The following RPL17 variants were observed in gnomAD, a reference collection of about 807,000 sequenced individuals.
RPL17 encodes ribosomal protein L17.
RPL17 carries 2 observed loss-of-function variants against 27.7 expected under a neutral mutation model. That is an observed-to-expected ratio of 0.07 (90% CI 0.03 to 0.23). RPL17 has a LOEUF of 0.23. Among genes scored for constraint, RPL17 ranks in the 10% least tolerant of loss-of-function variants. The probability of loss-of-function intolerance (pLI) is 1.00; values close to 1 mark genes in which losing one functional copy is unlikely to be tolerated. For missense variants in RPL17, 141 were observed against 238.8 expected, an observed-to-expected ratio of 0.59 and a Z score of 2.70; for synonymous variants, 76 against 75.5, an observed-to-expected ratio of 1.01 and a Z score of -0.03.
rs779507119 is a variant in RPL17, at chr18:49,491,545, C to G, written c.27G>C (p.Glu9Asp). ...CTGTCCACTTACATTTCGTGGGGTT[C>G]TCCGGGTCAAGTGAATAGCGAACCA... The part of the protein sequence containing the change: MVRYSLDP[E>D]NPTKSCKSRG... The change falls in exon 2 of 7, where the codon GAG becomes GAC. Residue 9 changes from glutamate to aspartate, a missense_variant. Physicochemically the swap from Glu to Asp is conservative, Grantham distance 45 (BLOSUM62 2). Coordinates refer to ENST00000580261, the MANE Select transcript of RPL17 (RefSeq NM_001035006.5). 1 of 1,614,184 alleles carries G rather than the reference C, an allele frequency of 6.2e-7. No homozygotes were observed. The highest frequency in any genetic ancestry group is 8.5e-7 in the Non-Finnish European group (1 of 1,180,042).
intron 1 of RPL17, chr18:49,491,819 C>A (rs900021085): frequency 1.4e-6 from 1 of 730,196 alleles, no homozygotes; most frequent in Non-Finnish European, 2.5e-6. Flanking sequence ...ACGGGCCTCA[C>A]CAATCCAGTC....
At chr18:49,488,873 G>C (rs924591578) in intron 6 of RPL17, among the ~76,000 whole-genome samples, 2 of 151,788 alleles carry the variant, frequency 1.3e-5, no homozygotes, top group African/African-American at 4.8e-5. Flanking sequence ...ATAATCATAC[G>C]GGCCTGAGGT....
rs542588284 is a variant in RPL17 at position 49,492,020 on chromosome 18, T to C, written c.-13-436A>G. On this transcript the variant is annotated intron_variant, in intron 1 of 6. Transcript: ENST00000580261. Reference sequence around the variant, plus strand: ...CGTCTCTCTCAACACCTTCGGGCTATGACCCACTTTAAGAGCCCTCCTGTA... The same window carrying C: ...CGTCTCTCTCAACACCTTCGGGCTACGACCCACTTTAAGAGCCCTCCTGTA... 2.0e-4 allele frequency: 69 copies of C among 342,648 alleles called. 1 individual carries two copies. The highest frequency in any genetic ancestry group is 1.6e-3 in the South Asian group (68 of 43,098). The allele number at this position is 342,648 out of a possible 1,614,324, so 21.2% of individuals were successfully genotyped here. A position where few individuals can be genotyped will look rare whatever the true frequency, so the allele number is the denominator to read the frequency against.
chr18:49,491,778 A>G (rs1389583660), intron 1 of RPL17, 194 bp from the exon 2 acceptor site: 2 of 788,824 alleles, frequency 2.5e-6, no homozygotes, highest in East Asian at 4.9e-5. Context: ...TCTTCCAGTA[A>G]CTACAGCACT....
chr18:49,490,683 T>C lies in RPL17; in HGVS notation c.216+110A>G. On this transcript the variant is annotated intron_variant, in intron 4 of 6. Coordinates refer to ENST00000580261, the MANE Select transcript of RPL17 (RefSeq NM_001035006.5). ...ACCATCAATCCAAGGTGTCCTGTCA[T>C]TACAGCAACCAGAAATAGGTTCATC... The C allele has an allele frequency of 4.4e-6, 7 of 1,589,730 alleles. No individual in the cohort carries two copies. The South Asian group carries it at 7.8e-5, about 18-fold the overall frequency.
Position 49,491,896 on chromosome 18 carries a change from G to C in RPL17, c.-13-312C>G, listed in dbSNP as rs1288235300. 1.5e-5 allele frequency: 7 copies of C among 466,810 alleles called. No homozygotes were observed. In the East Asian group the frequency reaches 1.9e-4, roughly 13 times the overall value. The allele number at this position is 466,810 out of a possible 1,614,324, so 28.9% of individuals were successfully genotyped here. ...GGATCTTCCAGGCGTAAAATGACTC[G>C]ACGCATCCGCAGGGCACAACTCAAC... On this transcript the variant is annotated intron_variant, in intron 1 of 6. Transcript: ENST00000580261.
chr18:49,490,999 A>C, intron 3 of RPL17, 72 bp from the exon 4 acceptor site: 2 of 1,590,408 alleles, frequency 1.3e-6, no homozygotes, highest in South Asian at 1.1e-5. Context: ...TTAAATTTTC[A>C]ATTTTCAGCT....
chr18:49,488,657 C>T, intron 6 of RPL17, 91 bp from the exon 7 acceptor site: 1 of 769,890 alleles, frequency 1.3e-6, no homozygotes, highest in Non-Finnish European at 2.3e-6. Flanking sequence ...GAAACCTAGT[C>T]GTTAAGGACT....
At position 49,489,449 on chromosome 18, in the gene RPL17, G is replaced by A. The variant is rs754386441; in HGVS notation, c.417C>T (p.Tyr139=). The A allele has an allele frequency of 1.5e-5, 24 of 1,608,166 alleles. No homozygotes were observed. Among genetic ancestry groups the A allele is most frequent in the Admixed American group, 8.3e-5 (5 of 60,006 alleles). The change falls in exon 6 of 7, where the codon TAC becomes TAT. Residue 139 remains tyrosine (Y), a synonymous_variant. Transcript: ENST00000580261. The stretch of plus-strand genomic sequence containing the variant: ...TCTCAATGTGGCAGGGAGAGCTCAT[G>A]TATGGGTTAATCCGACCATGAGCTC... The part of the protein sequence containing the change: ...TYRAHGRINP[Y]MSSPCHIEMI...
intron 5 of RPL17, chr18:49,490,142 T>C (rs778561622): frequency 3.3e-6 from 1 of 303,306 alleles, no homozygotes; most frequent in Non-Finnish European, 6.2e-6. Context: ...ACCAAAGGTG[T>C]ATGTCACAAA....
At position 49,490,840 on chromosome 18, in the gene RPL17, A is replaced by C. The variant is rs1465680092; in HGVS notation, c.169T>G (p.Cys57Gly). 6.2e-7 allele frequency: 1 copy of C among 1,613,290 alleles called. No homozygotes were observed. Among genetic ancestry groups the C allele is most frequent in the East Asian group, 2.2e-5 (1 of 44,890 alleles). The change falls in exon 4 of 7, where the codon TGT (cysteine) becomes GGT (glycine). Residue 57 changes from cysteine to glycine, a missense_variant. Cys to Gly is a radical substitution (Grantham distance 159). Coordinates refer to ENST00000580261, the MANE Select transcript of RPL17 (RefSeq NM_001035006.5). ...CCATTGTAACGTCGGAATGGTACACACTGTTTCTGTAAAGTGACATCTTTC... is the reference window on the plus strand; with the variant it reads ...CCATTGTAACGTCGGAATGGTACACCCTGTTTCTGTAAAGTGACATCTTTC... ...YLKDVTLQKQ[C>G]VPFRRYNGGV...
chr18:49,489,110 C>G (rs1165626511), intron 6 of RPL17: 2 of 386,824 alleles, frequency 5.2e-6, no homozygotes, highest in Non-Finnish European at 9.8e-6. Flanking sequence ...ACTGTGTTAG[C>G]CAGGATGGTC....
chr18:49,490,828 G>T lies in RPL17; in HGVS notation c.181C>A (p.Arg61=), dbSNP rs199766619. ...CTGCCAACTCCACCATTGTAACGTCGGAATGGTACACACTGTTTCTGTAAA... is the reference window on the plus strand; with the variant it reads ...CTGCCAACTCCACCATTGTAACGTCTGAATGGTACACACTGTTTCTGTAAA... ...VTLQKQCVPF[R]RYNGGVGRCA... The change falls in exon 4 of 7, where the codon CGA becomes AGA. Residue 61 remains arginine, a synonymous_variant. Transcript: ENST00000580261. 1,426 of 1,613,066 alleles carry T rather than the reference G, an allele frequency of 8.8e-4. 28 individuals are homozygous for T. The South Asian group carries it at 0.015, about 17-fold the overall frequency.
At chr18:49,489,040 A>G (rs1190525731) in intron 6 of RPL17, 5 of 272,904 alleles carry the variant, frequency 1.8e-5, no homozygotes, top group South Asian at 7.8e-5. Context: ...CTGGGACTAC[A>G]GATACCCGCC....
intron 1 of RPL17, chr18:49,491,829 C>A: frequency 1.4e-6 from 1 of 705,552 alleles, no homozygotes; most frequent in Admixed American, 1.9e-5. Flanking sequence ...CCAATCCAGT[C>A]AACCCTTTGG....
chr18:49,488,776 G>A (rs1436352671), intron 6 of RPL17, among the ~76,000 whole-genome samples: 1 of 152,150 alleles, frequency 6.6e-6, no homozygotes, highest in Non-Finnish European at 1.5e-5. Context: ...AACTAAATGT[G>A]ATCAATTACT....
At chr18:49,491,623 T>TAC in intron 1 of RPL17, 39 bp from the exon 2 acceptor site, 2 of 1,604,170 alleles carry the variant, frequency 1.2e-6, no homozygotes, top group South Asian at 1.1e-5. Context: ...AATACGTACT[T>TAC]ACAGTAACTC....
intron 6 of RPL17, 92 bp from the exon 7 acceptor site, chr18:49,488,658 G>C (rs1003263502): frequency 1.3e-6 from 1 of 768,640 alleles, no homozygotes; most frequent in Non-Finnish European, 2.3e-6. Context: ...AAACCTAGTC[G>C]TTAAGGACTA....
At chr18:49,490,764 C>CT in intron 4 of RPL17, 29 bp downstream of exon 4, 1 of 1,612,772 alleles carries the variant, frequency 6.2e-7, no homozygotes, top group East Asian at 2.2e-5. Context: ...TAAAATCTGT[C>CT]TTTTCAAATG....
Sources: gnomAD v4.1 joint callset for allele counts (sites outside exome capture counted in the v4.1 genomes callset) on GRCh38, gnomAD v4.1.1 for gene constraint, MANE v1.5 for transcripts, NCBI Gene and HGNC (gene_info 2026-07-23, HGNC 2026-07-21) for gene names.